Variants in RNF130 observed in about 807,000 individuals in gnomAD.
The protein encoded by RNF130 is ring finger protein 130.
Under a neutral mutation model 44.6 loss-of-function variants are expected in RNF130, and 21 were observed. That is an observed-to-expected ratio of 0.47 (90% CI 0.33 to 0.68). The LOEUF (loss-of-function observed/expected upper bound fraction) is 0.68. Ranked by LOEUF, RNF130 falls within the 30% of genes least tolerant of loss-of-function variation. The pLI is 0.02. For synonymous variants in RNF130, 214 were observed against 210.4 expected (o/e 1.02, Z -0.15); for missense variants, 479 against 560.6 (o/e 0.85, Z 1.47).
intron 3 of RNF130, among the ~76,000 whole-genome samples, chr5:179,987,792 C>A (rs900839900): frequency 1.3e-5 from 2 of 152,212 alleles, no homozygotes; most frequent in Non-Finnish European, 2.9e-5. Context: ...AATGCCAAAA[C>A]ATCCTTCTAT....
chr5:179,940,597 A>T (rs1005921494), intron 7 of RNF130, among the ~76,000 whole-genome samples: 9 of 152,176 alleles, frequency 5.9e-5, no homozygotes, highest in Non-Finnish European at 1.3e-4. Context: ...CAATTTTAAA[A>T]ACTTTAAAAA....
chr5:179,922,020 GAAAAAAGAA>G (rs1382816525), intron 7 of RNF130, among the ~76,000 whole-genome samples: 2 of 150,654 alleles, frequency 1.3e-5, no homozygotes, highest in Non-Finnish European at 2.9e-5. Flanking sequence ...GACTCCGTCT[GAAAAAAGAA>G]AAAAAAGGAA....
Position 179,962,802 on chromosome 5 carries a change from C to T in RNF130, c.1244+669G>A, listed in dbSNP as rs376740630. 4.6e-5 allele frequency among the ~76,000 whole-genome samples: 7 copies of T among 152,152 alleles called. No individual in the cohort carries two copies. The East Asian group carries it at 7.7e-4, about 17-fold the overall frequency. On this transcript the variant is annotated intron_variant, in intron 8 of 8. Coordinates refer to ENST00000521389, the MANE Select transcript of RNF130 (RefSeq NM_018434.6). ...TGACATCCAGCCTCTGCCTACATTC[C>T]CAGTCCTGAGCGTGCCCTACAGCAA...
downstream of RNF130, among the ~76,000 whole-genome samples, chr5:179,953,487 A>G (rs1762156951): frequency 6.6e-6 from 1 of 152,216 alleles, no homozygotes; most frequent in Non-Finnish European, 1.5e-5. Context: ...GTCATTCTCA[A>G]TTGATTTTTG....
chr5:179,939,971 T>C (rs1472802036), intron 7 of RNF130: 1 of 221,700 alleles, frequency 4.5e-6, no homozygotes, highest in African/African-American at 2.4e-5. Context: ...TTTTCTAGCA[T>C]CAGACAGCAG....
intron 2 of RNF130, 23 bp downstream of exon 2, chr5:180,040,430 C>G: frequency 6.3e-7 from 1 of 1,597,870 alleles, no homozygotes; most frequent in Non-Finnish European, 8.5e-7. Flanking sequence ...AAAACAAAAT[C>G]AACAACCCTC....
intron 3 of RNF130, among the ~76,000 whole-genome samples, chr5:179,996,953 T>C (rs560683022): frequency 6.6e-6 from 1 of 152,322 alleles, no homozygotes; most frequent in East Asian, 1.9e-4. Context: ...TGGACTTTTC[T>C]TTAATGGGAG....
chr5:180,000,042 C>T (rs760884500), intron 3 of RNF130, among the ~76,000 whole-genome samples: 20 of 152,192 alleles, frequency 1.3e-4, no homozygotes, highest in Non-Finnish European at 2.6e-4. Context: ...GACTTTCATA[C>T]TCCTGCATGT....
exon 8 of RNF130, chr5:179,918,307 C>T (rs760395538): frequency 2.6e-5 from 4 of 152,172 alleles, no homozygotes; most frequent in Non-Finnish European, 5.9e-5. Context: ...GAAATTTGTA[C>T]TTCTTCTCAC....
intron 3 of RNF130, among the ~76,000 whole-genome samples, chr5:180,010,337 A>G (rs1007785065): frequency 6.6e-6 from 1 of 151,000 alleles, no homozygotes; most frequent in African/African-American, 2.4e-5. Flanking sequence ...GTTACATACT[A>G]TATGATTCCA....
At chr5:179,911,943 A>G (rs1761473080) in exon 8 of RNF130, 1 of 152,224 alleles carries the variant, frequency 6.6e-6, no homozygotes, top group Non-Finnish European at 1.5e-5. Flanking sequence ...CTTCTTGAAT[A>G]TTGACTGTTC....
chr5:179,989,598 T>C (rs1265336730), intron 3 of RNF130, among the ~76,000 whole-genome samples: 1 of 152,216 alleles, frequency 6.6e-6, no homozygotes, highest in Non-Finnish European at 1.5e-5. Context: ...TTGTGTAGCA[T>C]GTTTTTCTCT....
chr5:180,032,637 A>G (rs1477432122), intron 2 of RNF130, among the ~76,000 whole-genome samples: 1 of 152,198 alleles, frequency 6.6e-6, no homozygotes, highest in Non-Finnish European at 1.5e-5. Flanking sequence ...GTTGAAAATC[A>G]ATTGACCGTA....
downstream of RNF130, among the ~76,000 whole-genome samples, chr5:179,952,914 T>C (rs1201969051): frequency 1.3e-5 from 2 of 152,178 alleles, no homozygotes; most frequent in Non-Finnish European, 2.9e-5. Flanking sequence ...GGAAAGGTTT[T>C]CCCTACGAGA....
intron 7 of RNF130, among the ~76,000 whole-genome samples, chr5:179,930,273 A>C (rs141612244): frequency 1.3e-5 from 2 of 152,028 alleles, no homozygotes; most frequent in Non-Finnish European, 2.9e-5. Context: ...GGTCAGGCTG[A>C]TCTCGAACTC....
At chr5:180,068,834 C>T (rs1035536545) in intron 1 of RNF130, among the ~76,000 whole-genome samples, 1 of 152,160 alleles carries the variant, frequency 6.6e-6, no homozygotes, top group Non-Finnish European at 1.5e-5. Flanking sequence ...AGCTGTTTTT[C>T]CACCAGGACC....
At chr5:180,049,521 C>A (rs1435722676) in intron 1 of RNF130, among the ~76,000 whole-genome samples, 2 of 152,138 alleles carry the variant, frequency 1.3e-5, no homozygotes, top group Admixed American at 1.3e-4. Context: ...GGTGATTAGG[C>A]CCACCACTGA....
chr5:180,068,617 A>C (rs1286773043), intron 1 of RNF130, among the ~76,000 whole-genome samples: 2 of 152,274 alleles, frequency 1.3e-5, no homozygotes, highest in Admixed American at 1.3e-4. Flanking sequence ...TAGGACAAAT[A>C]AATGTTATTC....
chr5:179,957,323 A>G (rs1251014733), intron 8 of RNF130, among the ~76,000 whole-genome samples: 1 of 152,180 alleles, frequency 6.6e-6, no homozygotes, highest in African/African-American at 2.4e-5. Context: ...GAGACAGAAG[A>G]ACTGCTTGAA....
Sources: allele counts gnomAD v4.1 joint callset (sites outside exome capture counted in the v4.1 genomes callset), GRCh38; gene constraint gnomAD v4.1.1; transcripts MANE v1.5; gene names NCBI Gene and HGNC (gene_info 2026-07-23, HGNC 2026-07-21).